PDS5B: variants seen among roughly 807,000 people sequenced by gnomAD.
PDS5B encodes the protein sister chromatid cohesion protein PDS5 homolog B.
A neutral mutation model predicts 184.1 loss-of-function variants in PDS5B; 51 were observed. That is an observed-to-expected ratio of 0.28 (90% CI 0.22 to 0.35). The LOEUF (loss-of-function observed/expected upper bound fraction) is 0.35. PDS5B is among the 10% of genes least tolerant of loss of function. The probability of loss-of-function intolerance (pLI) is 1.00; values close to 1 mark genes in which losing one functional copy is unlikely to be tolerated. For synonymous variants in PDS5B, 566 were observed against 569.2 expected (o/e 0.99, Z 0.08); for missense variants, 1,180 against 1,723.3 (o/e 0.68, Z 5.58).
intron 1 of PDS5B, among the ~76,000 whole-genome samples, chr13:32,639,670 A>G (rs1185259520): frequency 2.0e-5 from 3 of 152,200 alleles, no homozygotes; most frequent in Non-Finnish European, 4.4e-5. Flanking sequence ...CTGTTTAATT[A>G]TTGTGTACTG....
rs1371325672 is a variant in PDS5B at position 32,775,370 on chromosome 13, G to A, written c.*318G>A. 6.0e-6 allele frequency: 2 copies of A among 335,620 alleles called. No individual in the cohort carries two copies. The highest frequency in any genetic ancestry group is 3.5e-5 in the South Asian group (1 of 28,482). The allele number at this position is 335,620 out of a possible 1,614,324, so 20.8% of individuals were successfully genotyped here. ...AAGTGCTTGTATAGCTTTTATCTGCGGCTTTAAACTGACAGTACCCGACTG... is the reference window on the plus strand; with the variant it reads ...AAGTGCTTGTATAGCTTTTATCTGCAGCTTTAAACTGACAGTACCCGACTG... On this transcript the variant is annotated 3_prime_UTR_variant, in exon 35 of 35. Coordinates refer to ENST00000315596, the MANE Select transcript of PDS5B (RefSeq NM_015032.4).
intron 19 of PDS5B, among the ~76,000 whole-genome samples, chr13:32,724,235 G>T (rs1328247048): frequency 6.6e-6 from 1 of 151,916 alleles, no homozygotes; most frequent in Non-Finnish European, 1.5e-5. Context: ...TCCCACCTCA[G>T]CCTCTCAGTA....
intron 1 of PDS5B, among the ~76,000 whole-genome samples, chr13:32,598,109 T>G (rs975153949): frequency 6.6e-6 from 1 of 152,202 alleles, no homozygotes; most frequent in Non-Finnish European, 1.5e-5. Context: ...GGAGTCTCAC[T>G]CTGTCACCTA....
intron 18 of PDS5B, among the ~76,000 whole-genome samples, chr13:32,708,144 G>T (rs995958253): frequency 1.3e-5 from 2 of 152,090 alleles, no homozygotes; most frequent in Non-Finnish European, 2.9e-5. Flanking sequence ...AAACTGCCCT[G>T]AGCTACAACT....
At chr13:32,710,778 G>C (rs1316413661) in intron 19 of PDS5B, among the ~76,000 whole-genome samples, 1 of 152,058 alleles carries the variant, frequency 6.6e-6, no homozygotes, top group East Asian at 1.9e-4. Flanking sequence ...CATCACTTCT[G>C]GCTTACCCAT....
At chr13:32,741,238 T>G (rs149741411) in intron 22 of PDS5B, 90 bp downstream of exon 22, 7 of 725,684 alleles carry the variant, frequency 9.6e-6, no homozygotes, top group Non-Finnish European at 1.6e-5. Context: ...ATTGGAAAGA[T>G]ATTAAAGTCA....
At chr13:32,601,714 G>A (rs960691520) in intron 1 of PDS5B, among the ~76,000 whole-genome samples, 1 of 152,184 alleles carries the variant, frequency 6.6e-6, no homozygotes, top group African/African-American at 2.4e-5. Flanking sequence ...TCTTTAAATG[G>A]TTAGGTAGGA....
intron 1 of PDS5B, among the ~76,000 whole-genome samples, chr13:32,634,380 CT>C (rs35789626): frequency 0.24 from 36,359 of 151,846 alleles, 4,666 homozygotes; most frequent in East Asian, 0.36. Context: ...TGTTTCAGTA[CT>C]TTTTTCCTTT....
intron 3 of PDS5B, among the ~76,000 whole-genome samples, chr13:32,656,631 C>CT (rs1416761617): frequency 1.4e-5 from 2 of 142,560 alleles, no homozygotes; most frequent in Non-Finnish European, 3.0e-5. Context: ...AAGTCTGGCT[C>CT]TGTCACCCAG....
intron 1 of PDS5B, among the ~76,000 whole-genome samples, chr13:32,628,894 T>C (rs1157098582): frequency 6.6e-6 from 1 of 152,224 alleles, no homozygotes; most frequent in Admixed American, 6.5e-5. Flanking sequence ...TAAACAGTGC[T>C]AAGATAAATA....
chr13:32,619,378 GT>G (rs1347849892), intron 1 of PDS5B, among the ~76,000 whole-genome samples: 1 of 152,164 alleles, frequency 6.6e-6, no homozygotes, highest in Admixed American at 6.5e-5. Context: ...GCATGTTACT[GT>G]TCTGAATATC....
At chr13:32,703,114 A>G (rs1951909473) in intron 17 of PDS5B, among the ~76,000 whole-genome samples, 1 of 152,114 alleles carries the variant, frequency 6.6e-6, no homozygotes, top group Non-Finnish European at 1.5e-5. Flanking sequence ...GAGGTGAGAG[A>G]GGTTGTGCTT....
At chr13:32,597,048 A>G (rs1281590792) in intron 1 of PDS5B, among the ~76,000 whole-genome samples, 1 of 151,382 alleles carries the variant, frequency 6.6e-6, no homozygotes, top group African/African-American at 2.4e-5. Context: ...TTTATTTTTT[A>G]TTTTTTTGAG....
At chr13:32,666,999 G>C (rs1950815127) in intron 6 of PDS5B, among the ~76,000 whole-genome samples, 1 of 152,004 alleles carries the variant, frequency 6.6e-6, no homozygotes, top group Admixed American at 6.6e-5. Context: ...AAAGAATCTA[G>C]TATATCTAAA....
intron 1 of PDS5B, among the ~76,000 whole-genome samples, chr13:32,628,245 G>A (rs1054910254): frequency 7.2e-5 from 11 of 151,838 alleles, no homozygotes; most frequent in African/African-American, 1.5e-4. Context: ...CCATTTTTAC[G>A]TATTTGCAAT....
chr13:32,777,437 A>G lies in PDS5B; in HGVS notation c.*2385A>G, dbSNP rs753910603. Reference sequence around the variant, plus strand: ...AGTCTCCATCTTAGGGGATTATCTTACGTTTAAGCTTAACATTTCATGTAG... The same window carrying G: ...AGTCTCCATCTTAGGGGATTATCTTGCGTTTAAGCTTAACATTTCATGTAG... On this transcript the variant is annotated 3_prime_UTR_variant, in exon 35 of 35. Transcript: ENST00000315596. 1.4e-5 allele frequency: 2 copies of G among 145,610 alleles called. No individual in the cohort carries two copies. The highest frequency in any genetic ancestry group is 3.0e-5 in the Non-Finnish European group (2 of 66,560). The allele number at this position is 145,610 out of a possible 1,614,324, so 9.0% of individuals were successfully genotyped here. A position where few individuals can be genotyped will look rare whatever the true frequency, so the allele number is the denominator to read the frequency against.
intron 33 of PDS5B, among the ~76,000 whole-genome samples, chr13:32,771,693 G>C (rs1418567420): frequency 6.6e-6 from 1 of 151,948 alleles, no homozygotes; most frequent in Non-Finnish European, 1.5e-5. Context: ...TAAAAGTAAA[G>C]GTAAGTACAT....
chr13:32,723,386 A>G (rs1952785052), intron 19 of PDS5B, among the ~76,000 whole-genome samples: 2 of 151,064 alleles, frequency 1.3e-5, no homozygotes, highest in Non-Finnish European at 3.0e-5. Context: ...TGTATTTTTC[A>G]TTTTCTATAT....
intron 1 of PDS5B, among the ~76,000 whole-genome samples, chr13:32,610,886 C>G (rs569366364): frequency 2.6e-5 from 4 of 152,068 alleles, no homozygotes; most frequent in Non-Finnish European, 4.4e-5. Flanking sequence ...TGTTATTCCT[C>G]TCCTCTTAGT....
Sources: allele counts gnomAD v4.1 joint callset (sites outside exome capture counted in the v4.1 genomes callset), GRCh38; gene constraint gnomAD v4.1.1; transcripts MANE v1.5; gene names NCBI Gene and HGNC (gene_info 2026-07-23, HGNC 2026-07-21).